Variants in RBM27 observed in about 807,000 individuals in gnomAD.
The protein encoded by RBM27 is RNA binding motif protein 27.
Under a neutral mutation model 135.3 loss-of-function variants are expected in RBM27, and 22 were observed. The ratio of observed to expected loss-of-function variants is 0.16; its 90% CI spans 0.12 to 0.23. The LOEUF is 0.23. Among genes scored for constraint, RBM27 ranks in the 10% least tolerant of loss-of-function variants. The probability of loss-of-function intolerance (pLI) is 1.00; values close to 1 mark genes in which losing one functional copy is unlikely to be tolerated. For missense variants in RBM27, 1,009 were observed against 1,281.0 expected (o/e 0.79, Z 3.24); for synonymous variants, 481 against 442.4 (o/e 1.09, Z -1.10).
chr5:146,214,737 G>C (rs139327241), intron 1 of RBM27, among the ~76,000 whole-genome samples: 4 of 152,118 alleles, frequency 2.6e-5, no homozygotes, highest in African/African-American at 9.7e-5. Context: ...TCTTCAGAGC[G>C]TACTTTATGG....
At chr5:146,211,044 G>A (rs371980729) in intron 1 of RBM27, among the ~76,000 whole-genome samples, 15 of 152,270 alleles carry the variant, frequency 9.9e-5, no homozygotes, top group East Asian at 5.8e-4. Flanking sequence ...AGGCTGAGGT[G>A]GGTGGAGCAC....
chr5:146,222,096 AAG>A (rs1281841724), intron 2 of RBM27, among the ~76,000 whole-genome samples: 12 of 152,186 alleles, frequency 7.9e-5, no homozygotes, highest in African/African-American at 2.7e-4. Flanking sequence ...TTATAAGTGA[AAG>A]TATTCTGATT....
At chr5:146,284,867 T>C in intron 20 of RBM27, 135 bp downstream of exon 20, 1 of 555,006 alleles carries the variant, frequency 1.8e-6, no homozygotes, top group Non-Finnish European at 3.2e-6. Flanking sequence ...CGTTTAGATG[T>C]TTATTAGAGA....
At chr5:146,237,199 A>G in intron 7 of RBM27, 99 bp from the exon 8 acceptor site, 24 of 1,445,814 alleles carry the variant, frequency 1.7e-5, no homozygotes, top group East Asian at 2.3e-5. Flanking sequence ...TTGGCCTCCC[A>G]CAGTTCTGGA....
intron 14 of RBM27, among the ~76,000 whole-genome samples, chr5:146,265,531 A>T (rs1758576082): frequency 6.6e-6 from 1 of 152,206 alleles, no homozygotes; most frequent in Non-Finnish European, 1.5e-5. Context: ...GGAACCATGT[A>T]AATAAATTCT....
chr5:146,263,574 C>T lies in RBM27; in HGVS notation c.2274C>T (p.Asn758=). ...ATCGTCTTGGACATGCAGGTGGTAA[C>T]CAGAGTGATGCATCACATTTGTTGA... The part of the protein sequence containing the change: ...VKHRLGHAGG[N]QSDASHLLNQ... Residue 758 remains asparagine (N), a synonymous_variant, in exon 14 of 21, where the codon AAC becomes AAT. Coordinates refer to ENST00000265271, the MANE Select transcript of RBM27 (RefSeq NM_018989.2). 6.2e-7 allele frequency: 1 copy of T among 1,614,100 alleles called. No homozygotes were observed. The highest frequency in any genetic ancestry group is 8.5e-7 in the Non-Finnish European group (1 of 1,179,998).
Position 146,286,230 on chromosome 5 carries a change from T to C in RBM27, c.*200T>C. 2.1e-6 allele frequency: 1 copy of C among 467,002 alleles called. No homozygotes were observed. Among genetic ancestry groups the C allele is most frequent in the South Asian group, 3.1e-5 (1 of 32,162 alleles). 28.9% of individuals were successfully genotyped at this position (467,002 alleles called of 1,614,324 possible). ...TAAAGCACCAAAGGCCTAGTGACTTTTACACAGTTGTGAAGATCCACAGCA... is the reference window on the plus strand; with the variant it reads ...TAAAGCACCAAAGGCCTAGTGACTTCTACACAGTTGTGAAGATCCACAGCA... On this transcript the variant is annotated 3_prime_UTR_variant, in exon 21 of 21. Transcript: ENST00000265271.
intron 1 of RBM27, among the ~76,000 whole-genome samples, chr5:146,205,226 GT>G (rs1561517615): frequency 1.2e-4 from 19 of 152,200 alleles, no homozygotes. Flanking sequence ...AAAGGGTAGA[GT>G]TGTGGAGTGC....
chr5:146,221,350 T>TG (rs1385356422), intron 2 of RBM27, among the ~76,000 whole-genome samples: 5 of 152,220 alleles, frequency 3.3e-5, no homozygotes, highest in African/African-American at 1.2e-4. Context: ...TTTGTGCATA[T>TG]GGTCTATATC....
In RBM27 at chr5:146,220,487, AAAAT is replaced by A. The variant is rs1197731324; in HGVS notation, c.178+1386_178+1389del. Among the ~76,000 whole-genome samples, 128 of 138,692 alleles carry A rather than the reference AAAAT, an allele frequency of 9.2e-4. No homozygotes were observed. In the East Asian group the frequency reaches 0.019, roughly 21 times the overall value. The allele number at this position is 138,692 out of a possible 152,430, so 91.0% of individuals were successfully genotyped here. On this transcript the variant is annotated intron_variant, in intron 2 of 20. Transcript: ENST00000265271. ...GAGAGTCCATCTCAAAAAAAAAAAA[AAAAT>A]ATATATATATATATATATGTATGTA...
Position 146,219,190 on chromosome 5 carries a change from T to C in RBM27, c.178+87T>C, listed in dbSNP as rs978629521. The C allele has an allele frequency of 3.3e-6, 3 of 912,858 alleles. No homozygotes were observed. The African/African-American group carries it at 5.1e-5, about 15-fold the overall frequency. 56.5% of individuals were successfully genotyped at this position (912,858 alleles called of 1,614,324 possible). A position where few individuals can be genotyped will look rare whatever the true frequency, so the allele number is the denominator to read the frequency against. ...AAAAGTCTTGGAGATATAAGCTTGA[T>C]AGGAAAGAAAGTAGTCAGAGTCCTT... On this transcript the variant is annotated intron_variant, in intron 2 of 20. Coordinates refer to ENST00000265271, the MANE Select transcript of RBM27 (RefSeq NM_018989.2).
At chr5:146,218,929 C>A in intron 1 of RBM27, 56 bp from the exon 2 acceptor site, 2 of 1,125,714 alleles carry the variant, frequency 1.8e-6, no homozygotes, top group Non-Finnish European at 2.6e-6. Context: ...ATTAATAACA[C>A]TACTGTTTGA....
intron 19 of RBM27, among the ~76,000 whole-genome samples, chr5:146,274,787 T>TAA (rs1759022784): frequency 1.3e-5 from 2 of 152,048 alleles, no homozygotes; most frequent in Non-Finnish European, 2.9e-5. Context: ...GTTATATATA[T>TAA]AACAGCATAA....
rs112757002 is a variant in RBM27 at position 146,248,359 on chromosome 5, G to A, written c.1280-3352G>A. 2.8e-3 allele frequency among the ~76,000 whole-genome samples: 421 copies of A among 151,812 alleles called. 2 individuals are homozygous for A. Among genetic ancestry groups the A allele is most frequent in the African/African-American group, 9.4e-3 (389 of 41,364 alleles). ...AATTTTCTGCCCTGACCTAGAATTA[G>A]CCCTTTGTCTAAAGAACTCTGTTGC... On this transcript the variant is annotated intron_variant, in intron 8 of 20. Coordinates refer to ENST00000265271, the MANE Select transcript of RBM27 (RefSeq NM_018989.2).
chr5:146,275,903 G>A (rs1759072870), intron 19 of RBM27, among the ~76,000 whole-genome samples: 1 of 152,148 alleles, frequency 6.6e-6, no homozygotes, highest in African/African-American at 2.4e-5. Flanking sequence ...TTTTCAAGAA[G>A]TCTAGAGTTA....
At chr5:146,210,451 A>G (rs1755883557) in intron 1 of RBM27, among the ~76,000 whole-genome samples, 1 of 152,140 alleles carries the variant, frequency 6.6e-6, no homozygotes, top group Non-Finnish European at 1.5e-5. Flanking sequence ...TAAGGGGAAG[A>G]TGAAAGTACT....
chr5:146,263,701 A>AT (rs1417281670), intron 14 of RBM27, 70 bp downstream of exon 14: 1 of 1,532,634 alleles, frequency 6.5e-7, no homozygotes, highest in East Asian at 2.3e-5. Flanking sequence ...ATCAGTTATC[A>AT]TTCAGACAGT....
At chr5:146,217,208 C>A (rs1399362029) in intron 1 of RBM27, among the ~76,000 whole-genome samples, 1 of 152,014 alleles carries the variant, frequency 6.6e-6, no homozygotes. Context: ...CTCAGGTGAT[C>A]CCCCCGCCTT....
intron 3 of RBM27, among the ~76,000 whole-genome samples, chr5:146,227,257 C>T (rs2126737012): frequency 6.6e-6 from 1 of 152,242 alleles, no homozygotes; most frequent in South Asian, 2.1e-4. Context: ...CATCTTTTTC[C>T]TTAAATTTTA....
Sources: gnomAD v4.1 joint callset for allele counts (sites outside exome capture counted in the v4.1 genomes callset) on GRCh38, gnomAD v4.1.1 for gene constraint, MANE v1.5 for transcripts, NCBI Gene and HGNC (gene_info 2026-07-23, HGNC 2026-07-21) for gene names.